Variants in DHX35 observed in about 807,000 individuals in gnomAD.
The protein encoded by DHX35 is probable ATP-dependent RNA helicase DHX35.
In DHX35, 84 loss-of-function variants were observed where a neutral mutation model predicts 99.6. That is an observed-to-expected ratio of 0.84 (90% confidence interval 0.71 to 1.01). The LOEUF (loss-of-function observed/expected upper bound fraction) is 1.01. Among genes scored for constraint, DHX35 ranks in the 50% least tolerant of loss-of-function variants. The probability of loss-of-function intolerance (pLI) is 0.00; values close to 1 mark genes in which losing one functional copy is unlikely to be tolerated. For synonymous variants in DHX35, 331 were observed against 316.2 expected (o/e 1.05, Z -0.50); for missense variants, 852 against 888.5 (o/e 0.96, Z 0.52).
rs138941486 is a variant in DHX35, at chr20:39,020,909, C to T, written c.1499-932C>T. Among the ~76,000 whole-genome samples the T allele has an allele frequency of 6.0e-3, 910 of 152,180 alleles. 11 individuals are homozygous for T. The highest frequency in any genetic ancestry group is 0.019 in the African/African-American group (777 of 41,532). ...AACTCCTGACCTCAGGTCATCTGCC[C>T]GCCTTGGCCTCCCAAAGTGCTGGGA... is the stretch of plus-strand genomic sequence containing the variant. On this transcript the variant is annotated intron_variant, in intron 15 of 21. Coordinates refer to ENST00000252011, the MANE Select transcript of DHX35 (RefSeq NM_021931.4).
rs114614898 is a variant in DHX35 at position 39,023,853 on chromosome 20, C to T, written c.1671+86C>T. On this transcript the variant is annotated intron_variant, in intron 17 of 21. Transcript: ENST00000252011. ...GAGGGAGGATCCCAGAAGTTCAGTT[C>T]GTAAAGGAATGTCCAAGAGAGCCCT... The T allele has an allele frequency of 2.9e-3, 3,313 of 1,149,016 alleles. 45 individuals are homozygous for T. The African/African-American group carries it at 0.033, about 11-fold the overall frequency. The allele number at this position is 1,149,016 out of a possible 1,614,324, so 71.2% of individuals were successfully genotyped here.
intron 3 of DHX35, chr20:38,977,817 G>C (rs2086105129): frequency 1.8e-6 from 1 of 542,182 alleles, no homozygotes; most frequent in Non-Finnish European, 3.6e-6. Flanking sequence ...TGGTGTTGGT[G>C]GTATTGAGTC....
At chr20:38,997,027 A>G (rs1335256629) in intron 8 of DHX35, among the ~76,000 whole-genome samples, 1 of 151,588 alleles carries the variant, frequency 6.6e-6, no homozygotes, top group Non-Finnish European at 1.5e-5. Flanking sequence ...TATAATGTCC[A>G]AGTCTTTTCT....
At chr20:38,968,137 A>T (rs905873473) in intron 1 of DHX35, among the ~76,000 whole-genome samples, 1 of 152,208 alleles carries the variant, frequency 6.6e-6, no homozygotes, top group African/African-American at 2.4e-5. Context: ...GTGGTACGTG[A>T]CATGGAGTGG....
intron 8 of DHX35, among the ~76,000 whole-genome samples, chr20:38,997,381 T>C (rs1373919360): frequency 6.6e-6 from 1 of 152,212 alleles, no homozygotes; most frequent in Non-Finnish European, 1.5e-5. Flanking sequence ...AGATTCATTG[T>C]TAATTAATAC....
chr20:38,999,928 G>T (rs1225847129), intron 8 of DHX35, among the ~76,000 whole-genome samples: 1 of 152,204 alleles, frequency 6.6e-6, no homozygotes, highest in Non-Finnish European at 1.5e-5. Context: ...CTTATTGAGT[G>T]CCATTCTAGG....
At chr20:38,967,980 G>A (rs754994458) in intron 1 of DHX35, among the ~76,000 whole-genome samples, 4 of 151,852 alleles carry the variant, frequency 2.6e-5, no homozygotes, top group South Asian at 2.1e-4. Context: ...TCCCCCTTAC[G>A]TTGTCTTTAT....
chr20:39,031,286 A>G (rs966353399), intron 20 of DHX35, among the ~76,000 whole-genome samples: 7 of 151,680 alleles, frequency 4.6e-5, no homozygotes, highest in African/African-American at 1.7e-4. Context: ...TTAGCCCTGC[A>G]TGAGGCACAG....
intron 3 of DHX35, among the ~76,000 whole-genome samples, chr20:38,981,031 C>T (rs1287234923): frequency 6.6e-6 from 1 of 152,150 alleles, no homozygotes; most frequent in African/African-American, 2.4e-5. Flanking sequence ...GTATTTTTGG[C>T]AAGAATACTA....
At chr20:39,036,783 T>C (rs1290998618) in intron 21 of DHX35, among the ~76,000 whole-genome samples, 2 of 136,128 alleles carry the variant, frequency 1.5e-5, no homozygotes, top group Non-Finnish European at 3.1e-5. Flanking sequence ...CCTCATTGTA[T>C]AACGATGGTC....
At chr20:39,006,405 G>T in intron 12 of DHX35, 49 bp downstream of exon 12, 1 of 1,591,126 alleles carries the variant, frequency 6.3e-7, no homozygotes, top group South Asian at 1.1e-5. Flanking sequence ...TAGTCAGCCT[G>T]GGCAACAGAG....
chr20:39,006,218 T>C lies in DHX35; in HGVS notation c.1084T>C (p.Phe362Leu), dbSNP rs879112653. 9.9e-6 allele frequency: 16 copies of C among 1,614,068 alleles called. No individual in the cohort carries two copies. The Admixed American group carries it at 2.5e-4, about 25-fold the overall frequency. Residue 362 changes from phenylalanine to leucine, a missense_variant, in exon 12 of 22, where the codon TTT becomes CTT. Coordinates refer to ENST00000252011, the MANE Select transcript of DHX35 (RefSeq NM_021931.4). ...CATTGTGTATGTGATCGACTGTGGC[T>C]TTGTGAAACTCCGAGCCTACAATCC... ...SGIVYVIDCG[F>L]VKLRAYNPRT...
rs191985892 is a variant in DHX35, at chr20:39,006,078, T to C, written c.1012-68T>C. 2.9e-5 allele frequency: 45 copies of C among 1,537,454 alleles called. No homozygotes were observed. The African/African-American group carries it at 4.4e-4, about 15-fold the overall frequency. Reference sequence around the variant, plus strand: ...GTTGGAAATGTTAAATCTTTTAGGATTTTTACGAGTTTGTTAAAAGCAAAA... The same window carrying C: ...GTTGGAAATGTTAAATCTTTTAGGACTTTTACGAGTTTGTTAAAAGCAAAA... On this transcript the variant is annotated intron_variant, in intron 11 of 21. Coordinates refer to ENST00000252011, the MANE Select transcript of DHX35 (RefSeq NM_021931.4).
chr20:38,973,606 G>A (rs912597256), intron 3 of DHX35, among the ~76,000 whole-genome samples: 14 of 152,204 alleles, frequency 9.2e-5, no homozygotes, highest in Non-Finnish European at 2.9e-5. Context: ...TTTGTCCAAC[G>A]TTATGTGTGA....
chr20:38,984,364 A>G (rs2086219668), intron 4 of DHX35, among the ~76,000 whole-genome samples: 1 of 152,252 alleles, frequency 6.6e-6, no homozygotes, highest in South Asian at 2.1e-4. Context: ...CAATGTGAAC[A>G]TTTGTGAACA....
intron 21 of DHX35, among the ~76,000 whole-genome samples, chr20:39,034,886 G>C (rs1323735114): frequency 6.6e-6 from 1 of 151,192 alleles, no homozygotes; most frequent in African/African-American, 2.4e-5. Flanking sequence ...CCAAAGTGCT[G>C]GGATTACAGG....
chr20:38,977,529 T>A (rs2086100111), intron 3 of DHX35, among the ~76,000 whole-genome samples: 1 of 152,198 alleles, frequency 6.6e-6, no homozygotes, highest in Admixed American at 6.5e-5. Context: ...ACTACTATTA[T>A]GTCCTATCAT....
intron 14 of DHX35, among the ~76,000 whole-genome samples, chr20:39,016,613 A>T (rs544164826): frequency 6.6e-6 from 1 of 152,314 alleles, no homozygotes; most frequent in South Asian, 2.1e-4. Flanking sequence ...TAGCATATAA[A>T]TGTGGTTTTG....
intron 18 of DHX35, 62 bp from the exon 19 acceptor site, chr20:39,028,356 G>C: frequency 6.6e-7 from 1 of 1,508,222 alleles, no homozygotes; most frequent in Non-Finnish European, 9.2e-7. Flanking sequence ...CTGTGCATTA[G>C]AGCACACGGA....
Sources: gnomAD v4.1 joint callset for allele counts (sites outside exome capture counted in the v4.1 genomes callset) on GRCh38, gnomAD v4.1.1 for gene constraint, MANE v1.5 for transcripts, NCBI Gene and HGNC (gene_info 2026-07-23, HGNC 2026-07-21) for gene names.